Variants in CLEC18C observed in about 807,000 individuals in gnomAD.
CLEC18C encodes mannose receptor-like 3.
A neutral mutation model predicts 27.2 loss-of-function variants in CLEC18C; 2 were observed. The ratio of observed to expected loss-of-function variants is 0.07; its 90% confidence interval spans 0.03 to 0.23. The LOEUF (loss-of-function observed/expected upper bound fraction) is 0.23, where lower values mean the gene tolerates loss of function less well. CLEC18C is among the 10% of genes least tolerant of loss of function. The pLI is 1.00. For synonymous variants in CLEC18C, 13 were observed against 112.8 expected (o/e 0.12, Z 5.61); for missense variants, 31 against 269.0 (o/e 0.12, Z 6.19).
intron 4 of CLEC18C, among the ~76,000 whole-genome samples, chr16:70,178,374 A>G (rs911639925): frequency 1.5e-5 from 2 of 135,224 alleles, no homozygotes; most frequent in African/African-American, 5.6e-5. Context: ...GTCCTGCCTC[A>G]GCCTCCCAAG....
intron 4 of CLEC18C, among the ~76,000 whole-genome samples, 172 bp downstream of exon 4, chr16:70,177,652 A>G (rs1321103504): frequency 8.5e-6 from 1 of 118,186 alleles, no homozygotes; most frequent in African/African-American, 3.2e-5. Flanking sequence ...TGCGCAGGCT[A>G]GAGTGCAGTG....
At position 70,178,406 on chromosome 16, in the gene CLEC18C, G is replaced by A. The variant is rs1387784096; in HGVS notation, c.456+926G>A. Among the ~76,000 whole-genome samples the A allele has an allele frequency of 1.5e-5, 2 of 133,508 alleles. 1 individual carries two copies. Among genetic ancestry groups the A allele is most frequent in the African/African-American group, 5.7e-5 (2 of 34,846 alleles). The allele number at this position is 133,508 out of a possible 152,430, so 87.6% of individuals were successfully genotyped here. A position where few individuals can be genotyped will look rare whatever the true frequency, so the allele number is the denominator to read the frequency against. Reference sequence around the variant, plus strand: ...CAAGTAGCTAGGACTACAGGCACGAGCCACCACACCCCACTAATTTTTGTA... The same window carrying A: ...CAAGTAGCTAGGACTACAGGCACGAACCACCACACCCCACTAATTTTTGTA... On this transcript the variant is annotated intron_variant, in intron 4 of 12. Coordinates refer to ENST00000541793, the MANE Select transcript of CLEC18C (RefSeq NM_173619.4).
intron 1 of CLEC18C, 27 bp downstream of exon 1, chr16:70,173,978 A>T (rs559514898): frequency 2.3e-6 from 1 of 434,148 alleles, no homozygotes; most frequent in Admixed American, 3.7e-5. Context: ...CAAGGGTGCT[A>T]ATAATCCCAC....
Position 70,176,758 on chromosome 16 carries a change from G to C in CLEC18C, c.217-483G>C, listed in dbSNP as rs1384720827. ...AAAAAAAGAAGAGGGAGGGGGCGGGGTCAGCTGTGCGTGGTGGGGAGCATA... is the reference window on the plus strand; with the variant it reads ...AAAAAAAGAAGAGGGAGGGGGCGGGCTCAGCTGTGCGTGGTGGGGAGCATA... On this transcript the variant is annotated intron_variant, in intron 3 of 12. Transcript: ENST00000541793. Among the ~76,000 whole-genome samples, 2 of 104,354 alleles carry C rather than the reference G, an allele frequency of 1.9e-5. 1 individual carries two copies. The highest frequency in any genetic ancestry group is 3.9e-5 in the Non-Finnish European group (2 of 51,332). 68.5% of individuals were successfully genotyped at this position (104,354 alleles called of 152,430 possible).
rs369851427 is a variant in CLEC18C, at chr16:70,174,228, G to A, written c.-51G>A. On this transcript the variant is annotated 5_prime_UTR_variant, in exon 2 of 13. Transcript: ENST00000541793. ...CTCCATCCAGCCTGAGAAACAAGCCGGGTGGCTGAGCCAGGCTGTGCACGG... is the reference window on the plus strand; with the variant it reads ...CTCCATCCAGCCTGAGAAACAAGCCAGGTGGCTGAGCCAGGCTGTGCACGG... 2.7e-5 allele frequency: 35 copies of A among 1,309,226 alleles called. 9 individuals are homozygous for A. The East Asian group carries it at 4.4e-4, about 17-fold the overall frequency. The allele number at this position is 1,309,226 out of a possible 1,614,324, so 81.1% of individuals were successfully genotyped here. A position where few individuals can be genotyped will look rare whatever the true frequency, so the allele number is the denominator to read the frequency against.
At chr16:70,179,477 T>C (rs1286635922) in intron 4 of CLEC18C, among the ~76,000 whole-genome samples, 2 of 138,012 alleles carry the variant, frequency 1.4e-5, no homozygotes, top group Non-Finnish European at 3.1e-5. Context: ...TTAGCCAGGG[T>C]GGTCTTGATC....
chr16:70,186,123 G>A (rs1229425920), intron 12 of CLEC18C, 147 bp downstream of exon 12: 25 of 984,094 alleles, frequency 2.5e-5, no homozygotes, highest in Middle Eastern at 6.4e-4. Context: ...TGATGGCCTT[G>A]TACCTGTGGG....
chr16:70,176,707 C>T (rs1222536764), intron 3 of CLEC18C, among the ~76,000 whole-genome samples: 3 of 111,392 alleles, frequency 2.7e-5, no homozygotes, highest in Admixed American at 9.8e-5. Context: ...CCAGCCTGGG[C>T]GACAGGGTGA....
intron 4 of CLEC18C, among the ~76,000 whole-genome samples, chr16:70,179,953 A>T (rs1334998573): frequency 4.0e-5 from 5 of 124,628 alleles, no homozygotes; most frequent in African/African-American, 9.0e-5. Context: ...TTAGATCATT[A>T]ATTTTAAATC....
chr16:70,178,457 A>G (rs1464858685), intron 4 of CLEC18C, among the ~76,000 whole-genome samples: 1 of 134,436 alleles, frequency 7.4e-6, no homozygotes, highest in Non-Finnish European at 1.6e-5. Flanking sequence ...GGGTTTCACC[A>G]TGTTGGCCAG....
At chr16:70,186,276 C>T (rs548901739) in intron 12 of CLEC18C, among the ~76,000 whole-genome samples, 2 of 148,582 alleles carry the variant, frequency 1.3e-5, no homozygotes, top group African/African-American at 5.1e-5. Context: ...CTGTTGGGTT[C>T]CTTGGTGTTC....
chr16:70,179,526 T>C (rs1968395362), intron 4 of CLEC18C, among the ~76,000 whole-genome samples: 1 of 145,684 alleles, frequency 6.9e-6, no homozygotes, highest in African/African-American at 2.6e-5. Flanking sequence ...CCTCCCAGAG[T>C]GCTGGGATTA....
intron 4 of CLEC18C, among the ~76,000 whole-genome samples, chr16:70,179,202 G>A (rs1303095281): frequency 7.1e-5 from 9 of 127,358 alleles, no homozygotes; most frequent in African/African-American, 2.6e-4. Context: ...AAGTGCTTAC[G>A]CCAACTGTGC....
At chr16:70,179,420 C>T (rs1488327591) in intron 4 of CLEC18C, among the ~76,000 whole-genome samples, 4 of 78,808 alleles carry the variant, frequency 5.1e-5, no homozygotes, top group East Asian at 3.3e-4. Flanking sequence ...CCACCACACC[C>T]GGTTATTTTT....
At chr16:70,179,384 C>G (rs1380502772) in intron 4 of CLEC18C, among the ~76,000 whole-genome samples, 1 of 102,738 alleles carries the variant, frequency 9.7e-6, no homozygotes, top group Non-Finnish European at 2.0e-5. Context: ...CTCAGCCTCC[C>G]TAGTAGCTGG....
At chr16:70,179,280 G>A (rs1968384385) in intron 4 of CLEC18C, among the ~76,000 whole-genome samples, 2 of 138,420 alleles carry the variant, frequency 1.4e-5, no homozygotes, top group African/African-American at 2.7e-5. Context: ...TTTTTTTTGA[G>A]ACGGAGTCTT....
chr16:70,179,877 G>A (rs1191853844), intron 4 of CLEC18C, among the ~76,000 whole-genome samples: 1 of 142,700 alleles, frequency 7.0e-6, no homozygotes, highest in Non-Finnish European at 1.5e-5. Context: ...CAAACTGTTG[G>A]GATTACAGGC....
chr16:70,179,583 G>T (rs1968397338), intron 4 of CLEC18C, among the ~76,000 whole-genome samples: 2 of 148,182 alleles, frequency 1.3e-5, no homozygotes, highest in Admixed American at 1.3e-4. Flanking sequence ...AGTTTTGTCA[G>T]ACTCAAAGGT....
intron 4 of CLEC18C, among the ~76,000 whole-genome samples, chr16:70,179,244 ATCT>A (rs1226589441): frequency 3.7e-5 from 5 of 135,266 alleles, no homozygotes; most frequent in African/African-American, 1.4e-4. Context: ...CTTCCCGAAG[ATCT>A]TCTGGCTCCT....
Sources: gnomAD v4.1 joint callset for allele counts (sites outside exome capture counted in the v4.1 genomes callset) on GRCh38, gnomAD v4.1.1 for gene constraint, MANE v1.5 for transcripts, NCBI Gene and HGNC (gene_info 2026-07-23, HGNC 2026-07-21) for gene names.